PCSK5: variants seen among roughly 807,000 people sequenced by gnomAD.
PCSK5 encodes the protein prohormone convertase 5.
Under a neutral mutation model 233.2 loss-of-function variants are expected in PCSK5, and 129 were observed. The observed-to-expected ratio is 0.55, with a 90% CI of 0.48 to 0.64. The LOEUF (loss-of-function observed/expected upper bound fraction) is 0.64, where lower values mean the gene tolerates loss of function less well. PCSK5 is among the 30% of genes least tolerant of loss of function. The pLI is 0.00. For missense variants in PCSK5, 2,076 were observed against 2,430.1 expected (o/e 0.85, Z 3.06); for synonymous variants, 825 against 879.2 (o/e 0.94, Z 1.09).
intron 37 of PCSK5, 142 bp from the exon 38 acceptor site, chr9:76,358,371 G>T (rs1398310062): frequency 3.1e-6 from 2 of 639,382 alleles, no homozygotes; most frequent in African/African-American, 5.0e-5. Flanking sequence ...ATTAAAAACA[G>T]AGGAAAATCA....
At chr9:76,104,593 T>G (rs1270792708) in intron 8 of PCSK5, among the ~76,000 whole-genome samples, 1 of 152,250 alleles carries the variant, frequency 6.6e-6, no homozygotes, top group Non-Finnish European at 1.5e-5. Flanking sequence ...ATATTACTAT[T>G]GCAAATGCAA....
chr9:76,274,202 T>C (rs2131377449), intron 24 of PCSK5, among the ~76,000 whole-genome samples: 1 of 152,250 alleles, frequency 6.6e-6, no homozygotes, highest in African/African-American at 2.4e-5. Flanking sequence ...CTTTTTCTGC[T>C]ATGCCTAATC....
At chr9:75,993,989 G>A (rs1363136224) in intron 3 of PCSK5, among the ~76,000 whole-genome samples, 1 of 152,168 alleles carries the variant, frequency 6.6e-6, no homozygotes, top group African/African-American at 2.4e-5. Flanking sequence ...TGGTTTAGGT[G>A]CAGTGAACAA....
intron 24 of PCSK5, among the ~76,000 whole-genome samples, chr9:76,273,428 T>C (rs933776352): frequency 6.6e-6 from 1 of 151,920 alleles, no homozygotes; most frequent in African/African-American, 2.4e-5. Flanking sequence ...CCACCAAATT[T>C]CATTGCCCCT....
chr9:76,339,333 T>G (rs568346327), intron 35 of PCSK5, among the ~76,000 whole-genome samples: 52 of 152,306 alleles, frequency 3.4e-4, no homozygotes, highest in Admixed American at 1.2e-3. Context: ...TATTTTTAGT[T>G]CTTTTATATA....
intron 10 of PCSK5, among the ~76,000 whole-genome samples, chr9:76,146,381 A>G (rs1056527335): frequency 3.0e-4 from 46 of 152,252 alleles, no homozygotes; most frequent in South Asian, 2.7e-3. Context: ...CCATATTAAT[A>G]TCTTCACACT....
At chr9:76,343,165 ATTTT>A (rs57723867) in intron 35 of PCSK5, among the ~76,000 whole-genome samples, 2 of 141,122 alleles carry the variant, frequency 1.4e-5, no homozygotes, top group East Asian at 2.1e-4. Flanking sequence ...TTAGGATAGA[ATTTT>A]TTTTTTTTTT....
intron 12 of PCSK5, among the ~76,000 whole-genome samples, chr9:76,159,896 C>A (rs1354819615): frequency 2.1e-5 from 3 of 142,320 alleles, no homozygotes; most frequent in Non-Finnish European, 4.6e-5. Flanking sequence ...GATCTCGGCT[C>A]ACTGCAGTCA....
chr9:76,176,140 A>AT (rs201253499), intron 14 of PCSK5, among the ~76,000 whole-genome samples: 2,368 of 152,020 alleles, frequency 0.016, 46 homozygotes, highest in African/African-American at 0.054. Flanking sequence ...GTAATCTCTT[A>AT]TTTTTTACAT....
chr9:76,002,600 T>G (rs1827308716), intron 3 of PCSK5, among the ~76,000 whole-genome samples: 1 of 152,228 alleles, frequency 6.6e-6, no homozygotes, highest in Non-Finnish European at 1.5e-5. Context: ...TAGGCAGTAT[T>G]TGTTTCCCTG....
At chr9:76,020,326 A>G (rs148849105) in intron 3 of PCSK5, among the ~76,000 whole-genome samples, 27 of 152,326 alleles carry the variant, frequency 1.8e-4, no homozygotes, top group African/African-American at 6.3e-4. Context: ...TATTTCCCAT[A>G]GCCTTTGGTC....
chr9:75,949,364 A>G (rs1007781263), intron 2 of PCSK5, among the ~76,000 whole-genome samples: 1 of 151,912 alleles, frequency 6.6e-6, no homozygotes, highest in African/African-American at 2.4e-5. Context: ...GGACTGACCA[A>G]AATCCCAGTA....
chr9:76,132,597 C>T (rs908425045), intron 9 of PCSK5, among the ~76,000 whole-genome samples: 1 of 152,010 alleles, frequency 6.6e-6, no homozygotes, highest in African/African-American at 2.4e-5. Flanking sequence ...TTTCTTTCCC[C>T]ATTTCTTTCA....
At chr9:76,242,059 T>C (rs1391629535) in intron 24 of PCSK5, among the ~76,000 whole-genome samples, 3 of 152,218 alleles carry the variant, frequency 2.0e-5, no homozygotes, top group Admixed American at 6.5e-5. Context: ...AGACTTTTTA[T>C]TTGCCTTACC....
At position 76,310,796 on chromosome 9, in the gene PCSK5, C is replaced by T. The variant is rs915539449; in HGVS notation, c.3829C>T (p.Gln1277Ter). Residue 1277 changes from glutamine to a stop codon, truncating the protein, a stop_gained, in exon 30 of 38, where the codon CAG (glutamine) becomes TAG (stop). Transcript: ENST00000674117. LOFTEE classifies it high-confidence loss of function. ...GADLCKKCQM[Q>*]PGHPLFLHEG... ...CGATCTTTGCAAAAAATGCCAGATG[C>T]AGCCGGGCCACCCTCTCTTCCTCCA... is the stretch of plus-strand genomic sequence containing the variant. 2.5e-6 allele frequency: 4 copies of T among 1,611,486 alleles called. No homozygotes were observed. The East Asian group carries it at 8.9e-5, about 36-fold the overall frequency.
chr9:76,030,864 C>CTAGGGTG (rs1186342630), intron 5 of PCSK5, among the ~76,000 whole-genome samples: 2 of 151,534 alleles, frequency 1.3e-5, no homozygotes, highest in East Asian at 3.9e-4. Flanking sequence ...CTGGGGTATT[C>CTAGGGTG]TAGGGTGTCC....
chr9:76,070,247 G>T (rs146631179), intron 6 of PCSK5, among the ~76,000 whole-genome samples: 1,710 of 152,110 alleles, frequency 0.011, 36 homozygotes, highest in African/African-American at 0.038. Flanking sequence ...TGATCCACCC[G>T]CCTCGGCCTC....
chr9:76,180,065 TTATA>T (rs148523532), intron 15 of PCSK5, among the ~76,000 whole-genome samples: 10 of 116,208 alleles, frequency 8.6e-5, no homozygotes, highest in African/African-American at 2.4e-4. Flanking sequence ...AACATGATGT[TTATA>T]TATATATGTG....
At chr9:76,291,105 C>T (rs962453815) in intron 24 of PCSK5, among the ~76,000 whole-genome samples, 2 of 152,240 alleles carry the variant, frequency 1.3e-5, no homozygotes, top group Non-Finnish European at 2.9e-5. Context: ...CTTTAATTAG[C>T]AGAGCCTTTG....
Sources: allele counts gnomAD v4.1 joint callset (sites outside exome capture counted in the v4.1 genomes callset), GRCh38; gene constraint gnomAD v4.1.1; transcripts MANE v1.5; gene names NCBI Gene and HGNC (gene_info 2026-07-23, HGNC 2026-07-21).